Variants in NRXN3 observed in about 807,000 individuals in gnomAD.
The protein encoded by NRXN3 is neurexin 3.
NRXN3 carries 32 observed loss-of-function variants against 137.6 expected under a neutral mutation model. That is an observed-to-expected ratio of 0.23 (90% CI 0.18 to 0.31). NRXN3 has a LOEUF of 0.31. NRXN3 is among the 10% of genes least tolerant of loss of function. The pLI is 1.00. For missense variants in NRXN3, 1,574 were observed against 2,062.5 expected, an observed-to-expected ratio of 0.76 and a Z score of 4.59; for synonymous variants, 798 against 784.5, an observed-to-expected ratio of 1.02 and a Z score of -0.29.
chr14:78,482,451 A>G (rs2095489220), intron 4 of NRXN3, among the ~76,000 whole-genome samples: 3 of 152,174 alleles, frequency 2.0e-5, no homozygotes, highest in African/African-American at 4.8e-5. Flanking sequence ...AGGGGAGACA[A>G]TGAAATAGCT....
chr14:78,351,773 G>A (rs2083526800), intron 4 of NRXN3, among the ~76,000 whole-genome samples: 2 of 134,608 alleles, frequency 1.5e-5, no homozygotes. Flanking sequence ...TTAACTTTTT[G>A]GTATTTTTCT....
chr14:79,409,061 T>A (rs2095366382), intron 15 of NRXN3, among the ~76,000 whole-genome samples: 1 of 152,148 alleles, frequency 6.6e-6, no homozygotes, highest in African/African-American at 2.4e-5. Context: ...ATGTCTAAAC[T>A]GGTGCCTTTT....
chr14:79,691,992 G>A (rs2098718525), intron 17 of NRXN3, among the ~76,000 whole-genome samples, 181 bp from the exon 18 acceptor site: 1 of 151,984 alleles, frequency 6.6e-6, no homozygotes, highest in Non-Finnish European at 1.5e-5. Context: ...GCATGGCTAA[G>A]ACTAACCTGA....
chr14:78,225,938 G>A (rs1186483187), intron 1 of NRXN3, among the ~76,000 whole-genome samples: 1 of 113,142 alleles, frequency 8.8e-6, no homozygotes, highest in African/African-American at 3.5e-5. Context: ...CTAGCAAGTA[G>A]CAGGTGTTTT....
intron 4 of NRXN3, among the ~76,000 whole-genome samples, chr14:78,398,492 T>C (rs2091736679): frequency 6.6e-6 from 1 of 152,150 alleles, no homozygotes; most frequent in Non-Finnish European, 1.5e-5. Flanking sequence ...GTCTAGGTTC[T>C]CTACTTGGCC....
At chr14:79,737,378 A>G (rs1402791121) in intron 19 of NRXN3, among the ~76,000 whole-genome samples, 1 of 152,206 alleles carries the variant, frequency 6.6e-6, no homozygotes, top group Non-Finnish European at 1.5e-5. Context: ...AAAATTTGAC[A>G]AACCTAATTA....
At chr14:78,203,803 G>GGT (rs3059003) in intron 1 of NRXN3, among the ~76,000 whole-genome samples, 2,966 of 133,998 alleles carry the variant, frequency 0.022, 72 homozygotes, top group East Asian at 0.1. Flanking sequence ...GATCCTTCCA[G>GGT]GTGTGTGTGT....
chr14:78,765,379 T>C (rs6574470), intron 8 of NRXN3, among the ~76,000 whole-genome samples: 58,619 of 152,080 alleles, frequency 0.39, 16,930 homozygotes, highest in African/African-American at 0.82. Flanking sequence ...TCTCGAACTC[T>C]TGAGCTCAGG....
chr14:78,888,848 T>TACACACACAC (rs59053009), intron 10 of NRXN3, among the ~76,000 whole-genome samples: 6 of 146,316 alleles, frequency 4.1e-5, no homozygotes, highest in African/African-American at 1.5e-4. Flanking sequence ...ATCACACACA[T>TACACACACAC]ACACACACAC....
In NRXN3 at chr14:79,663,968, A is replaced by G. The variant is rs367870744; in HGVS notation, c.3616+19A>G. The stretch of plus-strand genomic sequence containing the variant: ...CCTACAGGTACATGTTGTTCGCTCA[A>G]TGGTCCTACTCTTTTTGACTCTCCC... On this transcript the variant is annotated intron_variant, in intron 17 of 20. Transcript: ENST00000335750. 79 of 1,612,200 alleles carry G rather than the reference A, an allele frequency of 4.9e-5. No individual in the cohort carries two copies. The highest frequency in any genetic ancestry group is 2.8e-4 in the African/African-American group (21 of 74,838).
intron 4 of NRXN3, among the ~76,000 whole-genome samples, chr14:78,382,201 C>T (rs2089250158): frequency 6.6e-6 from 1 of 152,110 alleles, no homozygotes; most frequent in Non-Finnish European, 1.5e-5. Flanking sequence ...GTGTTCAGGC[C>T]AGATATTGCC....
chr14:79,059,250 C>CTTTTTTTTTTTTTTTTTTTTTTTTTTT lies in NRXN3; in HGVS notation c.3262+71134_3262+71135insTTTTTTTTTTTTTTTTTTTTTTTTTTT, dbSNP rs869266975. On this transcript the variant is annotated intron_variant, in intron 15 of 20. Transcript: ENST00000335750. ...AAGAAGGCTGCCTTCAGGCCCTATTCTTTTTTTTTTTTTTTTTTTTTTTTT... is the reference window on the plus strand; with the variant it reads ...AAGAAGGCTGCCTTCAGGCCCTATTCTTTTTTTTTTTTTTTTTTTTTTTTTTTTTTTTTTTTTTTTTTTTTTTTTTTT... Among the ~76,000 whole-genome samples, 34 of 78,274 alleles carry CTTTTTTTTTTTTTTTTTTTTTTTTTTT rather than the reference C, an allele frequency of 4.3e-4. 1 individual carries two copies. Among genetic ancestry groups the CTTTTTTTTTTTTTTTTTTTTTTTTTTT allele is most frequent in the Non-Finnish European group, 6.6e-4 (27 of 40,676 alleles). The allele number at this position is 78,274 out of a possible 152,430, so 51.4% of individuals were successfully genotyped here. A position where few individuals can be genotyped will look rare whatever the true frequency, so the allele number is the denominator to read the frequency against.
intron 1 of NRXN3, among the ~76,000 whole-genome samples, chr14:78,238,593 G>A (rs17107186): frequency 0.26 from 40,286 of 152,176 alleles, 6,170 homozygotes; most frequent in African/African-American, 0.42. Context: ...ATTTCCCAGA[G>A]GCTGCAGGAA....
intron 10 of NRXN3, among the ~76,000 whole-genome samples, chr14:78,946,966 G>A (rs1242408270): frequency 2.0e-5 from 3 of 152,122 alleles, no homozygotes; most frequent in Non-Finnish European, 2.9e-5. Flanking sequence ...GGGACTATAA[G>A]GATATGATAT....
At chr14:79,265,642 T>C (rs1282892781) in intron 15 of NRXN3, among the ~76,000 whole-genome samples, 2 of 152,176 alleles carry the variant, frequency 1.3e-5, no homozygotes, top group African/African-American at 4.8e-5. Context: ...CATCCTTTTT[T>C]GCTTTGCATG....
chr14:79,079,683 T>G (rs1244851664), intron 15 of NRXN3, among the ~76,000 whole-genome samples: 1 of 152,194 alleles, frequency 6.6e-6, no homozygotes, highest in East Asian at 1.9e-4. Context: ...AATAGGCAGG[T>G]AAAGAGATCA....
At chr14:78,268,265 G>A (rs142355063) in intron 2 of NRXN3, among the ~76,000 whole-genome samples, 37 of 148,428 alleles carry the variant, frequency 2.5e-4, no homozygotes, top group Middle Eastern at 3.4e-3. Flanking sequence ...CTGGACCACC[G>A]TTTTGTTTTG....
At chr14:79,476,374 A>G (rs565306456) in intron 16 of NRXN3, among the ~76,000 whole-genome samples, 20 of 152,170 alleles carry the variant, frequency 1.3e-4, no homozygotes. Context: ...GCCTGCGATG[A>G]CACCTCTGGA....
chr14:79,841,121 G>C (rs1042681353), intron 20 of NRXN3, among the ~76,000 whole-genome samples: 1 of 152,208 alleles, frequency 6.6e-6, no homozygotes, highest in Non-Finnish European at 1.5e-5. Flanking sequence ...TCAAAGCCGT[G>C]TATATTTAGG....
Sources: gnomAD v4.1 joint callset for allele counts (sites outside exome capture counted in the v4.1 genomes callset) on GRCh38, gnomAD v4.1.1 for gene constraint, MANE v1.5 for transcripts, NCBI Gene and HGNC (gene_info 2026-07-23, HGNC 2026-07-21) for gene names.